Variants in PROX1 observed in about 807,000 individuals in gnomAD.
PROX1 encodes the protein prospero homeobox 1.
PROX1 carries 7 observed loss-of-function variants against 58.8 expected under a neutral mutation model. The observed-to-expected ratio is 0.12, with a 90% CI of 0.07 to 0.22. The LOEUF (loss-of-function observed/expected upper bound fraction) is 0.22. Ranked by LOEUF, PROX1 falls within the 10% of genes least tolerant of loss-of-function variation. The probability of loss-of-function intolerance (pLI) is 1.00; values close to 1 mark genes in which losing one functional copy is unlikely to be tolerated. For synonymous variants in PROX1, 350 were observed against 358.3 expected, an observed-to-expected ratio of 0.98 and a Z score of 0.26; for missense variants, 675 against 927.8, an observed-to-expected ratio of 0.73 and a Z score of 3.54.
chr1:214,011,738 T>G (rs1456917713), intron 4 of PROX1, 23 bp downstream of exon 4: 1 of 1,531,988 alleles, frequency 6.5e-7, no homozygotes, highest in Non-Finnish European at 8.8e-7. Flanking sequence ...CTTTATTTTT[T>G]GGTCATCTCC....
intron 3 of PROX1, among the ~76,000 whole-genome samples, chr1:214,007,330 G>A (rs1009260892): frequency 1.3e-5 from 2 of 152,292 alleles, no homozygotes; most frequent in African/African-American, 4.8e-5. Context: ...AAGTATATGT[G>A]AGTCTGGTTA....
upstream of PROX1, chr1:213,986,189 T>C (rs1662819221): frequency 6.6e-6 from 1 of 150,492 alleles, no homozygotes; most frequent in South Asian, 2.1e-4. Flanking sequence ...CAACAGTCAA[T>C]AGTTGGAGGT....
chr1:214,023,113 C>T (rs1664338230), intron 4 of PROX1, among the ~76,000 whole-genome samples: 2 of 152,194 alleles, frequency 1.3e-5, no homozygotes, highest in Admixed American at 1.3e-4. Flanking sequence ...AATTCATACA[C>T]AATTTATTGA....
rs2102795542 is a variant in PROX1 at position 214,038,778 on chromosome 1, T to C, written c.*2944T>C. Reference sequence around the variant, plus strand: ...TACTACAGCTGCAATAAACACTAGATTTTTTTTCTGGCTGTTTGACATAAC... The same window carrying C: ...TACTACAGCTGCAATAAACACTAGACTTTTTTTCTGGCTGTTTGACATAAC... On this transcript the variant is annotated 3_prime_UTR_variant, in exon 5 of 5. Transcript: ENST00000366958. 6.6e-6 allele frequency: 1 copy of C among 152,226 alleles called. No homozygotes were observed. Among genetic ancestry groups the C allele is most frequent in the South Asian group, 2.1e-4 (1 of 4,824 alleles). 9.4% of individuals were successfully genotyped at this position (152,226 alleles called of 1,614,324 possible).
In PROX1 at chr1:214,040,753, AT is replaced by A. The variant is rs1335468666; in HGVS notation, c.*4924del. ...ACTGAACTGATAAAGTCAATTTTTG[AT>A]TTTTGTTTGTTTTTTTTAGCTAGAG... On this transcript the variant is annotated 3_prime_UTR_variant, in exon 5 of 5. Transcript: ENST00000366958. The A allele has an allele frequency of 6.6e-6, 1 of 151,978 alleles. No homozygotes were observed. Among genetic ancestry groups the A allele is most frequent in the Non-Finnish European group, 1.5e-5 (1 of 67,936 alleles). The allele number at this position is 151,978 out of a possible 1,614,324, so 9.4% of individuals were successfully genotyped here. A position where few individuals can be genotyped will look rare whatever the true frequency, so the allele number is the denominator to read the frequency against.
Position 214,026,344 on chromosome 1 carries a change from G to A in PROX1, c.2029-9305G>A, listed in dbSNP as rs550827329. Among the ~76,000 whole-genome samples the A allele has an allele frequency of 7.1e-4, 108 of 152,204 alleles. 1 individual carries two copies. The highest frequency in any genetic ancestry group is 2.1e-3 in the African/African-American group (86 of 41,522). On this transcript the variant is annotated intron_variant, in intron 4 of 4. Transcript: ENST00000366958. The stretch of plus-strand genomic sequence containing the variant: ...TTCACTGACCAAATTTCAGCCCCAC[G>A]AAATAATTTTGACAGTCTCTCATAG...
At chr1:213,992,661 A>G (rs1420928268) in intron 1 of PROX1, among the ~76,000 whole-genome samples, 1 of 152,162 alleles carries the variant, frequency 6.6e-6, no homozygotes, top group Non-Finnish European at 1.5e-5. Flanking sequence ...AAGACAGATC[A>G]TCTAAATAAT....
chr1:213,992,237 G>T (rs1479089879), intron 1 of PROX1, among the ~76,000 whole-genome samples: 3 of 152,116 alleles, frequency 2.0e-5, no homozygotes, highest in African/African-American at 4.8e-5. Context: ...GATTTGAGAA[G>T]TATATTATGA....
In PROX1 at chr1:214,001,929, C is replaced by T. The variant is rs570333219; in HGVS notation, c.1726-3236C>T. On this transcript the variant is annotated intron_variant, in intron 2 of 4. Transcript: ENST00000366958. ...ATGGTGAACTTCCTAGTGGGAGTTA[C>T]GACTTGCTCTATCACTGTCATTATG... 2.6e-5 allele frequency among the ~76,000 whole-genome samples: 4 copies of T among 151,970 alleles called. No individual in the cohort carries two copies. In the South Asian group the frequency reaches 6.2e-4, roughly 24 times the overall value.
intron 3 of PROX1, among the ~76,000 whole-genome samples, chr1:214,009,808 C>T (rs1269447261): frequency 6.6e-6 from 1 of 152,088 alleles, no homozygotes; most frequent in African/African-American, 2.4e-5. Context: ...AATGCAGAAG[C>T]CTAATCTCCA....
chr1:213,998,198 A>G lies in PROX1; in HGVS notation c.1663A>G (p.Ile555Val), dbSNP rs756438411. 3.7e-6 allele frequency: 6 copies of G among 1,611,184 alleles called. No homozygotes were observed. In the South Asian group the frequency reaches 4.4e-5, roughly 12 times the overall value. The change falls in exon 2 of 5, where the codon ATA becomes GTA. Residue 555 changes from isoleucine (I) to valine (V), a missense_variant. Physicochemically the swap from Ile to Val is conservative, Grantham distance 29. Transcript: ENST00000366958. ...CGCCGAAGGGCTCTCCTTGTCGCTC[A>G]TAAAGTCCGAGTGCGGCGATCTTCA... is the stretch of plus-strand genomic sequence containing the variant. ...STAEGLSLSL[I>V]KSECGDLQDM... is the part of the protein sequence containing the mutation.
intron 2 of PROX1, among the ~76,000 whole-genome samples, chr1:214,000,027 G>C (rs1325165242): frequency 2.3e-5 from 3 of 130,212 alleles, no homozygotes; most frequent in Non-Finnish European, 4.8e-5. Flanking sequence ...GGTTCTTTCT[G>C]TCTCTCTCTC....
At chr1:214,011,924 C>A (rs1663923565) in intron 4 of PROX1, among the ~76,000 whole-genome samples, 1 of 152,112 alleles carries the variant, frequency 6.6e-6, no homozygotes, top group Non-Finnish European at 1.5e-5. Flanking sequence ...TCCCCATTCC[C>A]TGGCTTTTCA....
intron 2 of PROX1, among the ~76,000 whole-genome samples, chr1:213,999,881 T>C (rs1295257779): frequency 2.0e-5 from 3 of 152,150 alleles, no homozygotes; most frequent in East Asian, 1.9e-4. Flanking sequence ...GAAGACACAA[T>C]GGCTTGAATG....
intron 1 of PROX1, among the ~76,000 whole-genome samples, chr1:213,994,177 C>T (rs1489142817): frequency 6.6e-6 from 1 of 152,192 alleles, no homozygotes; most frequent in Non-Finnish European, 1.5e-5. Context: ...TTCCAAGCCT[C>T]TGTGGCAGAG....
intron 4 of PROX1, among the ~76,000 whole-genome samples, chr1:214,018,889 A>G (rs968547814): frequency 8.5e-5 from 13 of 152,182 alleles, no homozygotes; most frequent in African/African-American, 3.1e-4. Context: ...ATATAGTCAT[A>G]CCAAAAAGGG....
chr1:214,021,195 T>A (rs1486172777), intron 4 of PROX1, among the ~76,000 whole-genome samples: 1 of 152,268 alleles, frequency 6.6e-6, no homozygotes, highest in Non-Finnish European at 1.5e-5. Flanking sequence ...ATTATGGTTT[T>A]ATCACCCATG....
rs766483180 is a variant in PROX1 at position 214,005,280 on chromosome 1, C to CT, written c.1833+15dup. The CT allele has an allele frequency of 1.3e-6, 2 of 1,588,302 alleles. No individual in the cohort carries two copies. The highest frequency in any genetic ancestry group is 2.7e-5 in the African/African-American group (2 of 73,818). On this transcript the variant is annotated intron_variant, in intron 3 of 4. Coordinates refer to ENST00000366958, the MANE Select transcript of PROX1 (RefSeq NM_001270616.2). ...TACTTCTCCGACGTAAAGGTAGGGA[C>CT]TTTTTTTATTCTTAATTTTTTCATT... is the stretch of plus-strand genomic sequence containing the variant.
Position 213,996,760 on chromosome 1 carries a change from G to C in PROX1, c.225G>C (p.Lys75Asn), listed in dbSNP as rs765912105. 6.2e-7 allele frequency: 1 copy of C among 1,614,214 alleles called. No homozygotes were observed. Reference protein sequence around the residue: ...EKSNVLRKLLKRANSYEDAMM... With the variant: ...EKSNVLRKLLNRANSYEDAMM... ...CAAATGTACTCCGCAAGCTGCTGAA[G>C]AGGGCGAACTCGTATGAAGATGCCA... Residue 75 changes from lysine to asparagine, a missense_variant, in exon 2 of 5, where the codon AAG becomes AAC. Coordinates refer to ENST00000366958, the MANE Select transcript of PROX1 (RefSeq NM_001270616.2).
Sources: gnomAD v4.1 joint callset for allele counts (sites outside exome capture counted in the v4.1 genomes callset) on GRCh38, gnomAD v4.1.1 for gene constraint, MANE v1.5 for transcripts, NCBI Gene and HGNC (gene_info 2026-07-23, HGNC 2026-07-21) for gene names.